The following TENM4 variants were observed in gnomAD, a reference collection of about 807,000 sequenced individuals.
The protein encoded by TENM4 is teneurin-4.
TENM4 carries 82 observed loss-of-function variants against 243.3 expected under a neutral mutation model. That is an observed-to-expected ratio of 0.34 (90% CI 0.28 to 0.40). The LOEUF is 0.40. TENM4 is among the 10% of genes least tolerant of loss of function. The pLI, the probability that TENM4 is intolerant of heterozygous loss-of-function variation, is 1.00. For synonymous variants in TENM4, 1,412 were observed against 1,456.3 expected (o/e 0.97, Z 0.69); for missense variants, 3,138 against 3,673.3 (o/e 0.85, Z 3.77).
intron 3 of TENM4, among the ~76,000 whole-genome samples, chr11:79,188,977 A>C (rs894985659): frequency 1.3e-5 from 2 of 152,220 alleles, no homozygotes; most frequent in Non-Finnish European, 2.9e-5. Flanking sequence ...GGAAATTATT[A>C]GTATGAAATT....
chr11:79,426,330 C>T (rs1250256546), intron 1 of TENM4, among the ~76,000 whole-genome samples: 4 of 152,176 alleles, frequency 2.6e-5, no homozygotes, highest in East Asian at 1.9e-4. Flanking sequence ...ATTTGCTTTA[C>T]GGACAGGTGG....
chr11:78,951,529 A>G (rs1857108347), intron 6 of TENM4, among the ~76,000 whole-genome samples: 1 of 152,200 alleles, frequency 6.6e-6, no homozygotes, highest in Non-Finnish European at 1.5e-5. Context: ...CTTAAATAAT[A>G]GAAATTTATT....
chr11:78,966,390 C>CT (rs1397069403), intron 6 of TENM4, among the ~76,000 whole-genome samples: 2 of 152,090 alleles, frequency 1.3e-5, no homozygotes, highest in African/African-American at 2.4e-5. Flanking sequence ...TTCATGTTTT[C>CT]TTTTTTATAA....
chr11:79,363,983 A>G (rs1442380984), intron 1 of TENM4, among the ~76,000 whole-genome samples: 7 of 152,198 alleles, frequency 4.6e-5, no homozygotes, highest in African/African-American at 1.4e-4. Context: ...CTTCAACTTA[A>G]TGTTCAATTA....
chr11:78,882,722 AG>A (rs1269477858), intron 9 of TENM4, among the ~76,000 whole-genome samples: 1 of 152,260 alleles, frequency 6.6e-6, no homozygotes, highest in Non-Finnish European at 1.5e-5. Flanking sequence ...TGCATGACCC[AG>A]GGTCTTCCAG....
intron 2 of TENM4, among the ~76,000 whole-genome samples, chr11:79,218,239 C>CCCCA (rs1864093645): frequency 7.0e-6 from 1 of 142,702 alleles, no homozygotes; most frequent in Non-Finnish European, 1.5e-5. Context: ...TGCCCACCCA[C>CCCCA]CCCCGACACA....
chr11:78,709,160 G>T, intron 26 of TENM4, among the ~76,000 whole-genome samples: 1 of 133,942 alleles, frequency 7.5e-6, no homozygotes, highest in South Asian at 2.2e-4. Context: ...TTTTAGTAGA[G>T]ATGAGATTTC....
chr11:79,047,911 T>C (rs1238946425), intron 6 of TENM4, among the ~76,000 whole-genome samples: 1 of 151,166 alleles, frequency 6.6e-6, no homozygotes, highest in African/African-American at 2.5e-5. Context: ...TAAATGATAA[T>C]TATTAAATAA....
Position 79,132,345 on chromosome 11 carries a change from CAAAA to C in TENM4, c.-66+16361_-66+16364del, listed in dbSNP as rs569082783. Among the ~76,000 whole-genome samples, 368 of 49,954 alleles carry C rather than the reference CAAAA, an allele frequency of 7.4e-3. 12 individuals are homozygous for C. The highest frequency in any genetic ancestry group is 0.024 in the African/African-American group (350 of 14,554). The allele number at this position is 49,954 out of a possible 152,430, so 32.8% of individuals were successfully genotyped here. On this transcript the variant is annotated intron_variant, in intron 4 of 33. Transcript: ENST00000278550. ...TGGGAGAAAGAGCAAGACTCCAACT[CAAAA>C]AAAAAAAAAAAAAGAGAAATGAGAT... is the stretch of plus-strand genomic sequence containing the variant.
At chr11:79,155,147 A>C (rs1352808922) in intron 3 of TENM4, among the ~76,000 whole-genome samples, 2 of 152,060 alleles carry the variant, frequency 1.3e-5, no homozygotes, top group Non-Finnish European at 2.9e-5. Flanking sequence ...CAACAGCCCC[A>C]AGGAAGGCCT....
rs547409258 is a variant in TENM4, at chr11:79,419,804, C to T, written c.-321+20705G>A. Among the ~76,000 whole-genome samples the T allele has an allele frequency of 6.6e-5, 10 of 152,290 alleles. No homozygotes were observed. In the South Asian group the frequency reaches 1.7e-3, roughly 25 times the overall value. On this transcript the variant is annotated intron_variant, in intron 1 of 33. Transcript: ENST00000278550. ...GGCCTGACGTCCCATGAACTGGCTT[C>T]GTGGGTTGGCACAAACTCCTTCCCT...
intron 3 of TENM4, among the ~76,000 whole-genome samples, chr11:79,149,882 G>C (rs556371368): frequency 8.2e-4 from 125 of 152,218 alleles, no homozygotes; most frequent in African/African-American, 2.8e-3. Flanking sequence ...AAAGATCAAG[G>C]TATGCTCTTT....
rs895366580 is a variant in TENM4 at position 78,848,480 on chromosome 11, G to C, written c.1681+5624C>G. Reference sequence around the variant, plus strand: ...TCATGCTGGTAGTACCTACTACCTGGAATAATTTCCTTAACACCTGCCCTC... The same window carrying C: ...TCATGCTGGTAGTACCTACTACCTGCAATAATTTCCTTAACACCTGCCCTC... On this transcript the variant is annotated intron_variant, in intron 12 of 33. Transcript: ENST00000278550. Among the ~76,000 whole-genome samples, 131 of 152,124 alleles carry C rather than the reference G, an allele frequency of 8.6e-4. 1 individual carries two copies. The highest frequency in any genetic ancestry group is 3.0e-3 in the African/African-American group (125 of 41,490).
At chr11:79,099,282 T>G (rs184252144) in intron 4 of TENM4, among the ~76,000 whole-genome samples, 14 of 152,212 alleles carry the variant, frequency 9.2e-5, no homozygotes, top group South Asian at 6.2e-4. Context: ...GTGCCTTTGC[T>G]CCAGACCCTC....
At chr11:79,267,486 G>A (rs1423646624) in intron 2 of TENM4, among the ~76,000 whole-genome samples, 2 of 152,182 alleles carry the variant, frequency 1.3e-5, no homozygotes, top group African/African-American at 2.4e-5. Context: ...GAATAATGGA[G>A]TATATAGTAG....
chr11:79,030,348 G>T (rs1859194348), intron 6 of TENM4, among the ~76,000 whole-genome samples: 1 of 152,194 alleles, frequency 6.6e-6, no homozygotes, highest in Non-Finnish European at 1.5e-5. Flanking sequence ...CCCAGGTTGG[G>T]TTCCCAAGTC....
intron 6 of TENM4, among the ~76,000 whole-genome samples, chr11:78,911,748 C>T (rs1011458565): frequency 2.0e-5 from 3 of 152,178 alleles, no homozygotes; most frequent in African/African-American, 4.8e-5. Context: ...TTATGACATG[C>T]TAAGAAGGCC....
At chr11:78,970,606 A>G (rs1344553853) in intron 6 of TENM4, among the ~76,000 whole-genome samples, 1 of 152,196 alleles carries the variant, frequency 6.6e-6, no homozygotes, top group Admixed American at 6.6e-5. Flanking sequence ...GCAGGTCAAC[A>G]AAGCAGTCCA....
Position 78,672,266 on chromosome 11 carries a change from C to G in TENM4, c.5560G>C (p.Asp1854His), listed in dbSNP as rs1247222266. The G allele has an allele frequency of 1.2e-6, 2 of 1,614,038 alleles. No individual in the cohort carries two copies. The highest frequency in any genetic ancestry group is 2.2e-5 in the East Asian group (1 of 44,882). The stretch of plus-strand genomic sequence containing the variant: ...CGAAGGGTGAACTTGCGGTGGTCAT[C>G]ATAGATCTTCTCTGTGCGTGTTACG... ...DRVTRTEKIY[D>H]DHRKFTLRIL... The change falls in exon 31 of 34, where the codon GAT becomes CAT. Residue 1854 changes from aspartate (D) to histidine (H), a missense_variant. Asp to His is a moderately conservative substitution (Grantham distance 81). Transcript: ENST00000278550.
Sources: gnomAD v4.1 joint callset for allele counts (sites outside exome capture counted in the v4.1 genomes callset) on GRCh38, gnomAD v4.1.1 for gene constraint, MANE v1.5 for transcripts, NCBI Gene and HGNC (gene_info 2026-07-23, HGNC 2026-07-21) for gene names.